The following NLN variants were observed in gnomAD, a reference collection of about 807,000 sequenced individuals.
NLN encodes the protein neurolysin, mitochondrial.
In NLN, 64 loss-of-function variants were observed where a neutral mutation model predicts 79.9. The ratio of observed to expected loss-of-function variants is 0.80; its 90% CI spans 0.65 to 0.99. The LOEUF (loss-of-function observed/expected upper bound fraction) is 0.99. Ranked by LOEUF, NLN falls within the 50% of genes least tolerant of loss-of-function variation. The pLI is 0.00. For synonymous variants in NLN, 267 were observed against 296.6 expected (o/e 0.90, Z 1.02); for missense variants, 835 against 858.7 (o/e 0.97, Z 0.34).
Position 65,776,634 on chromosome 5 carries a change from C to G in NLN, c.451-793C>G, listed in dbSNP as rs765364891. ...TTCTTAGGAACCACTAACTACCCAG[C>G]CATCCAGATGTGCCATGTGTATTCT... On this transcript the variant is annotated intron_variant, in intron 3 of 12. Transcript: ENST00000380985. Among the ~76,000 whole-genome samples, 12 of 152,246 alleles carry G rather than the reference C, an allele frequency of 7.9e-5. 1 individual carries two copies. In the South Asian group the frequency reaches 8.3e-4, roughly 11 times the overall value.
chr5:65,820,746 G>A (rs182902615), intron 12 of NLN, among the ~76,000 whole-genome samples: 125 of 140,670 alleles, frequency 8.9e-4, no homozygotes, highest in African/African-American at 2.7e-3. Context: ...TTGTTTTCCC[G>A]AAAGCTAATT....
intron 9 of NLN, among the ~76,000 whole-genome samples, chr5:65,801,485 G>A (rs540623570): frequency 3.3e-5 from 5 of 152,198 alleles, no homozygotes; most frequent in Non-Finnish European, 7.3e-5. Flanking sequence ...GTTGTTTGCT[G>A]CAAATTGAGC....
chr5:65,802,416 G>A (rs1043395279), intron 9 of NLN, among the ~76,000 whole-genome samples: 4 of 152,218 alleles, frequency 2.6e-5, no homozygotes, highest in African/African-American at 9.6e-5. Flanking sequence ...GAACACAGTG[G>A]CACCCAGAAG....
chr5:65,819,112 A>T (rs893344377), intron 12 of NLN: 1 of 152,210 alleles, frequency 6.6e-6, no homozygotes, highest in Admixed American at 6.5e-5. Context: ...TTACTAATAG[A>T]GAAAATGAAG....
At chr5:65,770,820 A>G (rs534332799) in intron 3 of NLN, among the ~76,000 whole-genome samples, 1 of 152,358 alleles carries the variant, frequency 6.6e-6, no homozygotes, top group Non-Finnish European at 1.5e-5. Flanking sequence ...AAAATAAATA[A>G]GTATAACAAC....
chr5:65,774,734 T>G (rs796678875), intron 3 of NLN, among the ~76,000 whole-genome samples: 6 of 134,098 alleles, frequency 4.5e-5, no homozygotes, highest in African/African-American at 1.6e-4. Context: ...TATATATTTT[T>G]TTTTTTTTTT....
intron 9 of NLN, among the ~76,000 whole-genome samples, chr5:65,807,965 T>C (rs941796717): frequency 3.9e-5 from 6 of 152,222 alleles, no homozygotes; most frequent in African/African-American, 1.4e-4. Flanking sequence ...ATTATTATTG[T>C]ATAAGATTGT....
At chr5:65,809,399 T>G in intron 9 of NLN, 116 bp from the exon 10 acceptor site, 1 of 802,146 alleles carries the variant, frequency 1.2e-6, no homozygotes, top group Non-Finnish European at 2.0e-6. Flanking sequence ...AACCCCTCAT[T>G]CAGAGGAACA....
chr5:65,762,709 A>AG (rs1242569126), intron 2 of NLN, among the ~76,000 whole-genome samples: 1 of 151,772 alleles, frequency 6.6e-6, no homozygotes, highest in Admixed American at 6.6e-5. Context: ...TCTCAAAAAA[A>AG]AAAAAAATTG....
chr5:65,737,972 A>G (rs567306423), intron 1 of NLN, among the ~76,000 whole-genome samples: 2 of 152,224 alleles, frequency 1.3e-5, no homozygotes, highest in East Asian at 3.9e-4. Context: ...CTCTACAAAA[A>G]TTACAAAAAT....
intron 3 of NLN, among the ~76,000 whole-genome samples, chr5:65,775,947 T>G (rs181720228): frequency 1.9e-3 from 284 of 152,296 alleles, no homozygotes; most frequent in Non-Finnish European, 3.1e-3. Context: ...AATGCCTTAG[T>G]ACTGTAACAT....
intron 3 of NLN, among the ~76,000 whole-genome samples, chr5:65,772,070 A>G (rs1383418037): frequency 2.0e-5 from 3 of 151,966 alleles, no homozygotes; most frequent in Non-Finnish European, 2.9e-5. Flanking sequence ...GTCATAATCA[A>G]TACTACTAAA....
chr5:65,735,992 A>T (rs1443687564), intron 1 of NLN, among the ~76,000 whole-genome samples: 1 of 152,244 alleles, frequency 6.6e-6, no homozygotes, highest in Non-Finnish European at 1.5e-5. Context: ...TATACATGTG[A>T]CTAAAAGGAT....
At chr5:65,748,838 A>T (rs1759040349) in intron 1 of NLN, among the ~76,000 whole-genome samples, 1 of 152,192 alleles carries the variant, frequency 6.6e-6, no homozygotes, top group South Asian at 2.1e-4. Flanking sequence ...TGGGATGATT[A>T]TGGAACTTTA....
intron 1 of NLN, among the ~76,000 whole-genome samples, chr5:65,749,008 C>T (rs1172474061): frequency 6.6e-6 from 1 of 152,142 alleles, no homozygotes; most frequent in South Asian, 2.1e-4. Context: ...ATAAGTCTCA[C>T]GAGATCTGAT....
At chr5:65,798,810 C>G (rs777072814) in intron 9 of NLN, among the ~76,000 whole-genome samples, 1 of 151,990 alleles carries the variant, frequency 6.6e-6, no homozygotes, top group Non-Finnish European at 1.5e-5. Flanking sequence ...CTTTCATTTG[C>G]TTAGTGCATT....
At chr5:65,761,695 C>T (rs540475173) in intron 2 of NLN, among the ~76,000 whole-genome samples, 29 of 152,182 alleles carry the variant, frequency 1.9e-4, no homozygotes, top group Non-Finnish European at 3.7e-4. Context: ...TTTCCTTAAC[C>T]GACAGACATA....
At chr5:65,769,332 C>G (rs67715593) in intron 3 of NLN, among the ~76,000 whole-genome samples, 7,321 of 152,250 alleles carry the variant, frequency 0.048, 267 homozygotes, top group Non-Finnish European at 0.068. Flanking sequence ...AGACCTGCTA[C>G]TTGATAGCAC....
chr5:65,778,020 T>G (rs755609296), intron 4 of NLN, among the ~76,000 whole-genome samples: 4 of 152,222 alleles, frequency 2.6e-5, no homozygotes, highest in Non-Finnish European at 4.4e-5. Context: ...CTTCCCTGTT[T>G]TACATTCTTT....
Sources: gnomAD v4.1 joint callset for allele counts (sites outside exome capture counted in the v4.1 genomes callset) on GRCh38, gnomAD v4.1.1 for gene constraint, MANE v1.5 for transcripts, NCBI Gene and HGNC (gene_info 2026-07-23, HGNC 2026-07-21) for gene names.